STAG1: variants seen among roughly 807,000 people sequenced by gnomAD.
STAG1 encodes the protein STAG1 cohesin complex component.
In STAG1, 26 loss-of-function variants were observed where a neutral mutation model predicts 170.9. The observed-to-expected ratio is 0.15, with a 90% confidence interval of 0.11 to 0.21. The LOEUF (loss-of-function observed/expected upper bound fraction) is 0.21. Among genes scored for constraint, STAG1 ranks in the 10% least tolerant of loss-of-function variants. The probability of loss-of-function intolerance (pLI) is 1.00; values close to 1 mark genes in which losing one functional copy is unlikely to be tolerated. For synonymous variants in STAG1, 514 were observed against 497.7 expected (o/e 1.03, Z -0.44); for missense variants, 964 against 1,509.5 (o/e 0.64, Z 5.99).
intron 23 of STAG1, among the ~76,000 whole-genome samples, chr3:136,374,334 T>C (rs1937504748): frequency 1.3e-5 from 2 of 152,126 alleles, no homozygotes; most frequent in South Asian, 4.1e-4. Context: ...AAAAAATATT[T>C]TGGCCAGGCA....
At chr3:136,411,733 A>C (rs191047029) in intron 21 of STAG1, among the ~76,000 whole-genome samples, 1 of 152,202 alleles carries the variant, frequency 6.6e-6, no homozygotes, top group East Asian at 1.9e-4. Context: ...GGTGGATCAC[A>C]AGGTCAGGAG....
chr3:136,338,554 G>A, intron 32 of STAG1, 104 bp from the exon 33 acceptor site: 3 of 759,018 alleles, frequency 4.0e-6, no homozygotes, highest in Non-Finnish European at 6.6e-6. Context: ...ATATGGAACT[G>A]CTAAGAGTCA....
intron 1 of STAG1, among the ~76,000 whole-genome samples, chr3:136,696,950 C>T (rs970160495): frequency 4.6e-5 from 7 of 152,076 alleles, no homozygotes; most frequent in Admixed American, 2.0e-4. Flanking sequence ...GGTTGCACAA[C>T]GGATGCACAT....
chr3:136,446,228 A>G (rs1297044001), intron 14 of STAG1, among the ~76,000 whole-genome samples: 1 of 152,126 alleles, frequency 6.6e-6, no homozygotes, highest in Non-Finnish European at 1.5e-5. Context: ...TTTTAGGTTT[A>G]GCGCTCAGGT....
chr3:136,354,758 A>AAAAAAAACAAAAAC (rs1936574061), intron 28 of STAG1, among the ~76,000 whole-genome samples: 1 of 144,712 alleles, frequency 6.9e-6, no homozygotes, highest in Non-Finnish European at 1.5e-5. Context: ...AAGAACCAAA[A>AAAAAAAACAAAAAC]AAAAAAAAAA....
chr3:136,622,040 G>A (rs1342170053), intron 3 of STAG1, among the ~76,000 whole-genome samples: 2 of 144,286 alleles, frequency 1.4e-5, no homozygotes, highest in East Asian at 2.0e-4. Context: ...CCTCAGGCCT[G>A]TAATCCCAGC....
At chr3:136,355,015 C>T (rs1255629342) in intron 28 of STAG1, among the ~76,000 whole-genome samples, 1 of 151,866 alleles carries the variant, frequency 6.6e-6, no homozygotes, top group African/African-American at 2.4e-5. Context: ...GAGAATGACA[C>T]TTTAGAATAA....
chr3:136,393,964 C>T (rs2087079256), intron 22 of STAG1, among the ~76,000 whole-genome samples: 2 of 152,028 alleles, frequency 1.3e-5, no homozygotes, highest in Non-Finnish European at 2.9e-5. Context: ...TGCAGTGATG[C>T]AATCTTGGCT....
intron 14 of STAG1, among the ~76,000 whole-genome samples, chr3:136,447,877 A>T (rs555442432): frequency 6.6e-6 from 1 of 152,088 alleles, no homozygotes; most frequent in East Asian, 1.9e-4. Context: ...TCCACCTCCT[A>T]AAGTGCTGGG....
At chr3:136,478,085 C>A (rs541774739) in intron 9 of STAG1, among the ~76,000 whole-genome samples, 1 of 152,056 alleles carries the variant, frequency 6.6e-6, no homozygotes, top group Non-Finnish European at 1.5e-5. Context: ...CCACTGTGAC[C>A]GGCCAGAACT....
intron 1 of STAG1, among the ~76,000 whole-genome samples, chr3:136,717,618 C>T (rs1320807243): frequency 6.6e-6 from 1 of 152,076 alleles, no homozygotes; most frequent in Non-Finnish European, 1.5e-5. Flanking sequence ...GAGCGGAGAT[C>T]GTGCCATTGC....
chr3:136,591,808 A>G (rs1257062701), intron 4 of STAG1, among the ~76,000 whole-genome samples: 1 of 152,218 alleles, frequency 6.6e-6, no homozygotes, highest in East Asian at 1.9e-4. Flanking sequence ...TAAACCTTTA[A>G]AAGGTATCCC....
At chr3:136,385,070 T>C (rs1560076628) in intron 22 of STAG1, among the ~76,000 whole-genome samples, 1 of 152,330 alleles carries the variant, frequency 6.6e-6, no homozygotes, top group East Asian at 1.9e-4. Context: ...AAAATGTCCT[T>C]ATATTGATGC....
intron 13 of STAG1, among the ~76,000 whole-genome samples, chr3:136,457,803 A>G (rs1384448733): frequency 1.3e-5 from 2 of 152,198 alleles, no homozygotes; most frequent in East Asian, 1.9e-4. Context: ...ACTATTAAAA[A>G]TAACAACTGG....
At chr3:136,509,604 G>A (rs1933946847) in intron 7 of STAG1, among the ~76,000 whole-genome samples, 1 of 152,110 alleles carries the variant, frequency 6.6e-6, no homozygotes, top group African/African-American at 2.4e-5. Flanking sequence ...TAAAGGCAGT[G>A]AGGACAAGAA....
At position 136,349,355 on chromosome 3, in the gene STAG1, T is replaced by C; in HGVS notation, c.3074A>G (p.Tyr1025Cys). 6.2e-7 allele frequency: 1 copy of C among 1,610,836 alleles called. No homozygotes were observed. Among genetic ancestry groups the C allele is most frequent in the Non-Finnish European group, 8.5e-7 (1 of 1,177,032 alleles). Residue 1025 changes from tyrosine to cysteine, a missense_variant, in exon 29 of 34, where the codon TAC becomes TGC. Physicochemically the swap from Tyr to Cys is radical, Grantham distance 194. Around this residue, in one of 11 missense-constraint regions of STAG1, gnomAD observed 149 missense variants for 301.3 expected, o/e 0.49. Coordinates refer to ENST00000383202, the MANE Select transcript of STAG1 (RefSeq NM_005862.3). ...LRQDKKTVHS[Y>C]LEKFLTEQMM... The stretch of plus-strand genomic sequence containing the variant: ...CTGCTCGGTAAGGAATTTCTCTAGG[T>C]ATGAATGACTAGAAACACAATAGAA...
intron 1 of STAG1, among the ~76,000 whole-genome samples, chr3:136,653,677 A>G (rs1206204888): frequency 6.6e-6 from 1 of 152,102 alleles, no homozygotes; most frequent in African/African-American, 2.4e-5. Flanking sequence ...GACAGATTCA[A>G]CCCCAAGCTG....
chr3:136,396,881 G>A (rs2087178990), intron 22 of STAG1, among the ~76,000 whole-genome samples: 1 of 152,022 alleles, frequency 6.6e-6, no homozygotes, highest in Non-Finnish European at 1.5e-5. Flanking sequence ...TGTTATTTTT[G>A]TTTTTCAAGA....
chr3:136,529,665 G>A (rs1348800875), intron 6 of STAG1, among the ~76,000 whole-genome samples: 2 of 152,132 alleles, frequency 1.3e-5, no homozygotes, highest in Non-Finnish European at 2.9e-5. Context: ...TCCTAAAACT[G>A]GATGTGAATG....
Sources: gnomAD v4.1 joint callset for allele counts (sites outside exome capture counted in the v4.1 genomes callset) on GRCh38, gnomAD v4.1.1 for gene constraint, gnomAD v4.1.1 regional missense constraint, MANE v1.5 for transcripts, NCBI Gene and HGNC (gene_info 2026-07-23, HGNC 2026-07-21) for gene names.